The following TPCN1 variants were observed in gnomAD, a reference collection of about 807,000 sequenced individuals.
TPCN1 encodes the protein two pore segment channel 1.
TPCN1 carries 52 observed loss-of-function variants against 108.8 expected under a neutral mutation model. The observed-to-expected ratio is 0.48, with a 90% CI of 0.38 to 0.60. TPCN1 has a LOEUF of 0.60. TPCN1 is among the 20% of genes least tolerant of loss of function. The pLI is 0.00. For synonymous variants in TPCN1, 446 were observed against 433.7 expected (o/e 1.03, Z -0.35); for missense variants, 806 against 1,072.8 (o/e 0.75, Z 3.47).
In TPCN1 at chr12:113,296,306, T is replaced by A; in HGVS notation, c.*230T>A. On this transcript the variant is annotated 3_prime_UTR_variant, in exon 28 of 28. Coordinates refer to ENST00000335509, the MANE Select transcript of TPCN1 (RefSeq NM_017901.6). ...GGGGGTGCGGCCACCAGGTCTGAGC[T>A]CTTCCTACTGTGGAAGGCTCCAGAA... is the stretch of plus-strand genomic sequence containing the variant. 1 of 568,272 alleles carries A rather than the reference T, an allele frequency of 1.8e-6. No homozygotes were observed. The highest frequency in any genetic ancestry group is 3.0e-6 in the Non-Finnish European group (1 of 334,588). 35.2% of individuals were successfully genotyped at this position (568,272 alleles called of 1,614,324 possible).
chr12:113,270,995 C>T (rs534296040), intron 7 of TPCN1, among the ~76,000 whole-genome samples: 56 of 152,222 alleles, frequency 3.7e-4, no homozygotes, highest in African/African-American at 1.1e-3. Flanking sequence ...TGGTGTCCCA[C>T]GCTGATTGTC....
At chr12:113,229,856 C>T (rs1451991323) in intron 2 of TPCN1, among the ~76,000 whole-genome samples, 1 of 152,216 alleles carries the variant, frequency 6.6e-6, no homozygotes, top group Admixed American at 6.5e-5. Flanking sequence ...CTTCCTGGGA[C>T]TTTCCCATCC....
rs1566195101 is a variant in TPCN1 at position 113,284,336 on chromosome 12, TAC to T, written c.1343-243_1343-242del. On this transcript the variant is annotated intron_variant, in intron 15 of 27. Coordinates refer to ENST00000335509, the MANE Select transcript of TPCN1 (RefSeq NM_017901.6). The surrounding 1 kb of genome is among the most constrained non-coding windows in gnomAD (Gnocchi z 4.1). Reference sequence around the variant, plus strand: ...ATCTCTACATCATAACTGGTATTCATACAGTGACAGAGGGAGTGTTTTTAGAA... The same window carrying T: ...ATCTCTACATCATAACTGGTATTCATAGTGACAGAGGGAGTGTTTTTAGAA... Among the ~76,000 whole-genome samples, 1 of 152,230 alleles carries T rather than the reference TAC, an allele frequency of 6.6e-6. No homozygotes were observed. Among genetic ancestry groups the T allele is most frequent in the Admixed American group, 6.5e-5 (1 of 15,284 alleles).
At chr12:113,244,684 G>A (rs1250391580) in intron 2 of TPCN1, 2 of 985,420 alleles carry the variant, frequency 2.0e-6, no homozygotes, top group African/African-American at 1.7e-5. Flanking sequence ...GGCAAGCGGC[G>A]GGGCGGTTGC....
rs1167172101 is a variant in TPCN1 at position 113,269,138 on chromosome 12, A to G, written c.659+266A>G. Among the ~76,000 whole-genome samples the G allele has an allele frequency of 6.6e-6, 1 of 152,142 alleles. No individual in the cohort carries two copies. The highest frequency in any genetic ancestry group is 2.4e-5 in the African/African-American group (1 of 41,422). On this transcript the variant is annotated intron_variant, in intron 6 of 27. Coordinates refer to ENST00000335509, the MANE Select transcript of TPCN1 (RefSeq NM_017901.6). The surrounding 1 kb of genome is among the most constrained non-coding windows in gnomAD (Gnocchi z 5.0). Reference sequence around the variant, plus strand: ...CCAGAGCTGCTTCCTCGCTCTAGGCATGTTATCTACCCAAATGCAGGCAGC... The same window carrying G: ...CCAGAGCTGCTTCCTCGCTCTAGGCGTGTTATCTACCCAAATGCAGGCAGC...
At chr12:113,241,583 G>A (rs557802318) in intron 2 of TPCN1, among the ~76,000 whole-genome samples, 5 of 152,324 alleles carry the variant, frequency 3.3e-5, no homozygotes, top group South Asian at 2.1e-4. Flanking sequence ...GGGAACCAGA[G>A]CGCACCAGTG....
At chr12:113,252,659 G>A (rs1314486326) in intron 2 of TPCN1, among the ~76,000 whole-genome samples, 1 of 152,214 alleles carries the variant, frequency 6.6e-6, no homozygotes, top group Non-Finnish European at 1.5e-5. Flanking sequence ...CCCTGCTGGG[G>A]CATGTGGAGG....
At position 113,268,680 on chromosome 12, in the gene TPCN1, A is replaced by G. The variant is rs1182239910; in HGVS notation, c.529-62A>G. On this transcript the variant is annotated intron_variant, in intron 5 of 27. Coordinates refer to ENST00000335509, the MANE Select transcript of TPCN1 (RefSeq NM_017901.6). The surrounding 1 kb of genome is among the most constrained non-coding windows in gnomAD (Gnocchi z 7.3). The stretch of plus-strand genomic sequence containing the variant: ...CACTGCCTCTCCAGCCCCCCGTTCC[A>G]GGTATGCAGGATGACGGCTGGGCTG... 3 of 1,595,406 alleles carry G rather than the reference A, an allele frequency of 1.9e-6. No individual in the cohort carries two copies. Among genetic ancestry groups the G allele is most frequent in the Non-Finnish European group, 2.6e-6 (3 of 1,170,906 alleles).
At chr12:113,264,015 C>A (rs1392138033) in intron 3 of TPCN1, among the ~76,000 whole-genome samples, 3 of 152,154 alleles carry the variant, frequency 2.0e-5, no homozygotes, top group Non-Finnish European at 4.4e-5. Context: ...GTCAGTGGTT[C>A]TTCTAGCGAG....
rs1185396185 is a variant in TPCN1 at position 113,288,254 on chromosome 12, T to C, written c.1706+20T>C. The C allele has an allele frequency of 6.2e-7, 1 of 1,613,420 alleles. No individual in the cohort carries two copies. Among genetic ancestry groups the C allele is most frequent in the Admixed American group, 1.7e-5 (1 of 59,978 alleles). ...GGCCAGGTACTGCCAGCCCCCACCC[T>C]GGCCTGCAGGTCCAGGTGCCGTGTG... On this transcript the variant is annotated intron_variant, in intron 20 of 27. Transcript: ENST00000335509. The surrounding 1 kb of genome is among the most constrained non-coding windows in gnomAD (Gnocchi z 4.8).
At position 113,288,455 on chromosome 12, in the gene TPCN1, G is replaced by T. The variant is rs1224051182; in HGVS notation, c.1706+221G>T. On this transcript the variant is annotated intron_variant, in intron 20 of 27. Coordinates refer to ENST00000335509, the MANE Select transcript of TPCN1 (RefSeq NM_017901.6). This position sits in a 1 kb window ranked among gnomAD's most constrained non-coding sequence, Gnocchi z 4.8. ...TGACATATTTAGTAGGGAGGGCAGG[G>T]AGCTGTCAACTCGCTTACCACCTGT... 6.7e-7 allele frequency: 1 copy of T among 1,492,644 alleles called. No individual in the cohort carries two copies. The highest frequency in any genetic ancestry group is 2.2e-5 in the Admixed American group (1 of 46,458). 92.5% of individuals were successfully genotyped at this position (1,492,644 alleles called of 1,614,324 possible). A position where few individuals can be genotyped will look rare whatever the true frequency, so the allele number is the denominator to read the frequency against.
chr12:113,227,571 T>C (rs187327854), intron 2 of TPCN1, among the ~76,000 whole-genome samples: 4 of 152,324 alleles, frequency 2.6e-5, no homozygotes, highest in African/African-American at 9.6e-5. Context: ...AGTGTGTTTC[T>C]GGCAGAATGA....
chr12:113,245,849 C>T (rs1029816434), intron 2 of TPCN1: 2 of 419,384 alleles, frequency 4.8e-6, no homozygotes, highest in South Asian at 3.5e-5. Flanking sequence ...CTTTCCTGCT[C>T]CTCCCCAGTG....
chr12:113,235,128 C>T (rs1953835539), intron 2 of TPCN1, among the ~76,000 whole-genome samples: 1 of 152,210 alleles, frequency 6.6e-6, no homozygotes. Flanking sequence ...CTCCTCTTTG[C>T]CACTAAATGC....
At chr12:113,244,595 A>G in intron 2 of TPCN1, 1 of 985,384 alleles carries the variant, frequency 1.0e-6, no homozygotes, top group Non-Finnish European at 1.2e-6. Flanking sequence ...GTGCCTGGAA[A>G]ACTCATCAGT....
In TPCN1 at chr12:113,287,223, T is replaced by C; in HGVS notation, c.1634+129T>C. ...AGCCAGAGTCACAGATGTCACCCCC[T>C]GGAGAATCACCATGGGGTCAACATC... On this transcript the variant is annotated intron_variant, in intron 19 of 27. Coordinates refer to ENST00000335509, the MANE Select transcript of TPCN1 (RefSeq NM_017901.6). The C allele has an allele frequency of 4.0e-6, 3 of 744,196 alleles. No individual in the cohort carries two copies. In the East Asian group the frequency reaches 8.0e-5, roughly 20 times the overall value. The allele number at this position is 744,196 out of a possible 1,614,324, so 46.1% of individuals were successfully genotyped here.
Position 113,223,435 on chromosome 12 carries a change from C to CTTTTTTTTTT in TPCN1, c.-126+1817_-126+1826dup, listed in dbSNP as rs1172851714. On this transcript the variant is annotated intron_variant, in intron 1 of 27. Transcript: ENST00000335509. ...AGGTCTGCAGTCAGATCTGCTGAGT[C>CTTTTTTTTTT]TTTTTTTTTTTTTTTTTGGTTCTTC... Among the ~76,000 whole-genome samples, 977 of 120,004 alleles carry CTTTTTTTTTT rather than the reference C, an allele frequency of 8.1e-3. 33 individuals carry two copies. In the East Asian group the frequency reaches 0.1, roughly 12 times the overall value. The allele number at this position is 120,004 out of a possible 152,430, so 78.7% of individuals were successfully genotyped here.
At position 113,296,271 on chromosome 12, in the gene TPCN1, G is replaced by A. The variant is rs1956427127; in HGVS notation, c.*195G>A. ...CTTCCTTAACTCCAGAAGCCAGTTT[G>A]GTGAGGGGTGGGGGTGCGGCCACCA... is the stretch of plus-strand genomic sequence containing the variant. On this transcript the variant is annotated 3_prime_UTR_variant, in exon 28 of 28. Transcript: ENST00000335509. The A allele has an allele frequency of 2.3e-6, 2 of 853,598 alleles. No individual in the cohort carries two copies. The highest frequency in any genetic ancestry group is 4.2e-5 in the South Asian group (2 of 47,664). The allele number at this position is 853,598 out of a possible 1,614,324, so 52.9% of individuals were successfully genotyped here.
At chr12:113,252,996 T>A (rs1954704842) in intron 2 of TPCN1, among the ~76,000 whole-genome samples, 1 of 152,180 alleles carries the variant, frequency 6.6e-6, no homozygotes, top group Non-Finnish European at 1.5e-5. Context: ...TTGGTCCTTT[T>A]GGCACTAACT....
Sources: gnomAD v4.1 joint callset for allele counts (sites outside exome capture counted in the v4.1 genomes callset) on GRCh38, gnomAD v4.1.1 for gene constraint, Gnocchi (gnomAD v3.1) non-coding constraint, MANE v1.5 for transcripts, NCBI Gene and HGNC (gene_info 2026-07-23, HGNC 2026-07-21) for gene names.